CNOT10: variants seen among roughly 807,000 people sequenced by gnomAD.
CNOT10 encodes the protein CCR4-NOT transcription complex subunit 10, also known as CCR4-NOT transcription complex, subunit 10.
Under a neutral mutation model 94.6 loss-of-function variants are expected in CNOT10, and 30 were observed. That is an observed-to-expected ratio of 0.32 (90% CI 0.24 to 0.43). The LOEUF (loss-of-function observed/expected upper bound fraction) is 0.43, where lower values mean the gene tolerates loss of function less well. Ranked by LOEUF, CNOT10 falls within the 20% of genes least tolerant of loss-of-function variation. CNOT10 has a pLI of 1.00. For missense variants in CNOT10, 759 were observed against 877.2 expected, an observed-to-expected ratio of 0.87 and a Z score of 1.70; for synonymous variants, 289 against 301.6, an observed-to-expected ratio of 0.96 and a Z score of 0.43.
rs1697971456 is a variant in CNOT10 at position 32,713,383 on chromosome 3, G to A, written c.573+14G>A. The A allele has an allele frequency of 6.4e-7, 1 of 1,569,780 alleles. No homozygotes were observed. Among genetic ancestry groups the A allele is most frequent in the African/African-American group, 1.4e-5 (1 of 72,224 alleles). On this transcript the variant is annotated intron_variant, in intron 5 of 18. Coordinates refer to ENST00000328834, the MANE Select transcript of CNOT10 (RefSeq NM_015442.3). ...GGAAAGAATGAGGTGAGTCTTTAGA[G>A]GTGATCAGACTAAAATCTAAAATGT...
intron 1 of CNOT10, among the ~76,000 whole-genome samples, chr3:32,686,590 A>G (rs1696610421): frequency 6.6e-6 from 1 of 152,204 alleles, no homozygotes; most frequent in Non-Finnish European, 1.5e-5. Context: ...CTCTGGTGAG[A>G]TGATATTTGA....
intron 13 of CNOT10, among the ~76,000 whole-genome samples, chr3:32,738,093 ATCT>A (rs901634392): frequency 1.2e-4 from 19 of 152,254 alleles, no homozygotes; most frequent in Middle Eastern, 3.4e-3. Flanking sequence ...GAAGTGCTTC[ATCT>A]TCCTCTGTTT....
chr3:32,717,859 C>T (rs1698192228), intron 7 of CNOT10, among the ~76,000 whole-genome samples: 1 of 152,058 alleles, frequency 6.6e-6, no homozygotes, highest in Non-Finnish European at 1.5e-5. Context: ...GGGTGAGACC[C>T]TGTCAAAAAA....
intron 8 of CNOT10, among the ~76,000 whole-genome samples, chr3:32,723,172 T>A (rs1698499326): frequency 6.6e-6 from 1 of 151,712 alleles, no homozygotes. Flanking sequence ...GGCGGGCAGA[T>A]CACAAGGCCA....
intron 1 of CNOT10, among the ~76,000 whole-genome samples, chr3:32,693,009 A>T (rs1446478965): frequency 2.6e-5 from 4 of 152,120 alleles, no homozygotes; most frequent in Non-Finnish European, 5.9e-5. Context: ...ACAGCACCGC[A>T]CTCTAGCCTG....
chr3:32,748,545 C>T (rs1199909207), intron 13 of CNOT10, among the ~76,000 whole-genome samples: 1 of 152,100 alleles, frequency 6.6e-6, no homozygotes, highest in Non-Finnish European at 1.5e-5. Flanking sequence ...TGGAGTCTCA[C>T]TCTGTGGCCC....
At chr3:32,762,930 T>A in intron 15 of CNOT10, 67 bp downstream of exon 15, 1 of 1,430,526 alleles carries the variant, frequency 7.0e-7, no homozygotes, top group Non-Finnish European at 9.2e-7. Context: ...TAATTCAGGA[T>A]GTGTGGAAAT....
At chr3:32,695,800 C>G (rs1697023498) in intron 1 of CNOT10, 1 of 1,535,630 alleles carries the variant, frequency 6.5e-7, no homozygotes, top group Admixed American at 2.0e-5. Context: ...TAAAGAAATG[C>G]TGTGGGATTA....
Position 32,763,456 on chromosome 3 carries a change from G to A in CNOT10, c.1840+593G>A, listed in dbSNP as rs185507445. Reference sequence around the variant, plus strand: ...ACCTGAGGTCAGGAGTTCAAGACCAGCCTGGCCAACATAGTGAAACCCCGT... The same window carrying A: ...ACCTGAGGTCAGGAGTTCAAGACCAACCTGGCCAACATAGTGAAACCCCGT... On this transcript the variant is annotated intron_variant, in intron 15 of 18. Coordinates refer to ENST00000328834, the MANE Select transcript of CNOT10 (RefSeq NM_015442.3). Among the ~76,000 whole-genome samples the A allele has an allele frequency of 2.4e-3, 370 of 152,216 alleles. 9 individuals carry two copies. Among genetic ancestry groups the A allele is most frequent in the Admixed American group, 0.021 (320 of 15,280 alleles).
At chr3:32,771,979 T>C (rs943037691) in intron 18 of CNOT10, among the ~76,000 whole-genome samples, 1 of 152,334 alleles carries the variant, frequency 6.6e-6, no homozygotes, top group Admixed American at 6.5e-5. Context: ...AAGATGTATC[T>C]CACTAGAAGA....
chr3:32,694,107 TG>T (rs919726786), intron 1 of CNOT10, among the ~76,000 whole-genome samples: 1 of 149,474 alleles, frequency 6.7e-6, no homozygotes, highest in Non-Finnish European at 1.5e-5. Flanking sequence ...TGGGGTTTGG[TG>T]GGGGGGTTGC....
chr3:32,761,841 C>T (rs368033971), intron 14 of CNOT10, among the ~76,000 whole-genome samples: 3 of 149,674 alleles, frequency 2.0e-5, no homozygotes, highest in South Asian at 2.1e-4. Flanking sequence ...GGCGTGATCT[C>T]GGCTCATCAC....
At chr3:32,688,354 T>A (rs111927342) in intron 1 of CNOT10, among the ~76,000 whole-genome samples, 2,933 of 152,070 alleles carry the variant, frequency 0.019, 44 homozygotes, top group East Asian at 0.046. Context: ...ATCCCAGCAT[T>A]TTGGGAGGCT....
rs748322719 is a variant in CNOT10, at chr3:32,759,496, C to T, written c.1634C>T (p.Ala545Val). 3.1e-6 allele frequency: 5 copies of T among 1,613,928 alleles called. No homozygotes were observed. Among genetic ancestry groups the T allele is most frequent in the Non-Finnish European group, 4.2e-6 (5 of 1,179,966 alleles). Residue 545 changes from alanine (A) to valine (V), a missense_variant, in exon 14 of 19, where the codon GCT becomes GTT. Physicochemically the swap from Ala to Val is moderately conservative, Grantham distance 64. Transcript: ENST00000328834. Reference sequence around the variant, plus strand: ...GCTTGCAGTGCCTACGTGGCTCTGGCTTTGGGTGATAACCTCATGGCTTTG... The same window carrying T: ...GCTTGCAGTGCCTACGTGGCTCTGGTTTTGGGTGATAACCTCATGGCTTTG... ...ILACSAYVAL[A>V]LGDNLMALNH... is the part of the protein sequence containing the mutation.
At chr3:32,772,297 C>T (rs1388665717) in intron 18 of CNOT10, among the ~76,000 whole-genome samples, 1 of 151,780 alleles carries the variant, frequency 6.6e-6, no homozygotes, top group Non-Finnish European at 1.5e-5. Flanking sequence ...TGCACTGAGC[C>T]GAGATCGTGC....
At position 32,769,963 on chromosome 3, in the gene CNOT10, G is replaced by A; in HGVS notation, c.2080+1G>A. The A allele has an allele frequency of 6.2e-7, 1 of 1,609,844 alleles. No homozygotes were observed. The highest frequency in any genetic ancestry group is 8.5e-7 in the Non-Finnish European group (1 of 1,176,228). On this transcript the variant is annotated splice_donor_variant, in intron 18 of 18. Transcript: ENST00000328834. LOFTEE classifies it high-confidence loss of function. ...GCAGTCTACCTTGAACTGCAGAATG[G>A]TGAGTAATTCTCTCTGTTTAGGACT...
At chr3:32,728,089 C>A (rs191914780) in intron 10 of CNOT10, among the ~76,000 whole-genome samples, 1 of 151,902 alleles carries the variant, frequency 6.6e-6, no homozygotes, top group African/African-American at 2.4e-5. Context: ...CTCCACCTCC[C>A]GGGTTCAAGC....
chr3:32,726,839 T>C (rs1698692563), intron 9 of CNOT10, among the ~76,000 whole-genome samples: 1 of 2,664 alleles, frequency 3.8e-4, no homozygotes, highest in Non-Finnish European at 3.0e-3. Context: ...AAGATGAATT[T>C]TTTTTTTTTT....
At chr3:32,750,484 T>A (rs1699916305) in intron 13 of CNOT10, among the ~76,000 whole-genome samples, 1 of 151,658 alleles carries the variant, frequency 6.6e-6, no homozygotes, top group Non-Finnish European at 1.5e-5. Flanking sequence ...AGAGCAAGAC[T>A]CCATCTCAAA....
Sources: gnomAD v4.1 joint callset for allele counts (sites outside exome capture counted in the v4.1 genomes callset) on GRCh38, gnomAD v4.1.1 for gene constraint, MANE v1.5 for transcripts, NCBI Gene and HGNC (gene_info 2026-07-23, HGNC 2026-07-21) for gene names.